GRAMD1C: variants seen among roughly 807,000 people sequenced by gnomAD.
GRAMD1C encodes the protein GRAM domain containing 1C.
GRAMD1C carries 89 observed loss-of-function variants against 97.8 expected under a neutral mutation model. The observed-to-expected ratio is 0.91, with a 90% CI of 0.77 to 1.09. GRAMD1C has a LOEUF of 1.09. Among genes scored for constraint, GRAMD1C ranks in the 50% least tolerant of loss-of-function variants. The pLI, the probability that GRAMD1C is intolerant of heterozygous loss-of-function variation, is 0.00. For missense variants in GRAMD1C, 740 were observed against 766.4 expected (o/e 0.97, Z 0.41); for synonymous variants, 256 against 267.0 (o/e 0.96, Z 0.40).
At chr3:113,874,169 A>G (rs1934937228) in intron 3 of GRAMD1C, among the ~76,000 whole-genome samples, 1 of 152,238 alleles carries the variant, frequency 6.6e-6, no homozygotes, top group African/African-American at 2.4e-5. Flanking sequence ...TAATTAGTTT[A>G]TAGAGTTTTA....
intron 10 of GRAMD1C, among the ~76,000 whole-genome samples, chr3:113,923,815 T>C (rs868816478): frequency 3.3e-5 from 5 of 152,140 alleles, no homozygotes; most frequent in Admixed American, 2.0e-4. Flanking sequence ...GGAGAAGTTC[T>C]TCCTCCTCAA....
Position 113,940,301 on chromosome 3 carries a change from C to T in GRAMD1C, c.1864C>T (p.Arg622Cys), listed in dbSNP as rs138939818. ...TCAGAAGAATAAAGATCAGGCCCAT[C>T]GTTTAAAGGGAGTGCTCCGAGACTC... ...TIQKNKDQAH[R>C]LKGVLRDSIV... The change falls in exon 17 of 18, where the codon CGT becomes TGT. Residue 622 changes from arginine to cysteine, a missense_variant. Physicochemically the swap from Arg to Cys is radical, Grantham distance 180. Transcript: ENST00000358160. The T allele has an allele frequency of 1.4e-5, 22 of 1,609,914 alleles. No homozygotes were observed. The South Asian group carries it at 2.0e-4, about 14-fold the overall frequency.
intron 1 of GRAMD1C, among the ~76,000 whole-genome samples, chr3:113,831,067 T>C (rs1453797772): frequency 1.7e-4 from 26 of 152,286 alleles, no homozygotes; most frequent in African/African-American, 5.8e-4. Context: ...CCAGCCTGGG[T>C]GACAGAGCAA....
At position 113,933,600 on chromosome 3, in the gene GRAMD1C, T is replaced by C. The variant is rs192574495; in HGVS notation, c.1299T>C (p.Tyr433=). 73 of 1,604,886 alleles carry C rather than the reference T, an allele frequency of 4.5e-5. No homozygotes were observed. The African/African-American group carries it at 9.2e-4, about 20-fold the overall frequency. ...THDVPYHDYF[Y]TVNRYCIIRS... is the part of the protein sequence containing the mutation. ...ATGTCCCCTACCATGATTACTTCTA[T>C]ACCGTGAACAGATACTGTATCATCC... The change falls in exon 12 of 18, where the codon TAT becomes TAC. Residue 433 remains tyrosine, a synonymous_variant. Transcript: ENST00000358160.
intron 6 of GRAMD1C, chr3:113,890,843 C>CG: frequency 4.7e-6 from 3 of 642,918 alleles, no homozygotes; most frequent in Non-Finnish European, 8.5e-6. Context: ...AAGGGAGAAA[C>CG]TAAGTTCTTC....
chr3:113,932,752 C>G (rs1937484338), intron 11 of GRAMD1C, among the ~76,000 whole-genome samples: 1 of 152,210 alleles, frequency 6.6e-6, no homozygotes, highest in Non-Finnish European at 1.5e-5. Context: ...GTCACTCAGG[C>G]TGGAGTGTAG....
chr3:113,908,852 T>C (rs996158418), intron 8 of GRAMD1C, 106 bp from the exon 9 acceptor site: 4 of 629,490 alleles, frequency 6.4e-6, no homozygotes, highest in Non-Finnish European at 1.1e-5. Flanking sequence ...GCTGTAAATA[T>C]TCTTCAAAGC....
intron 6 of GRAMD1C, among the ~76,000 whole-genome samples, chr3:113,895,938 T>C (rs950852454): frequency 6.6e-6 from 1 of 152,220 alleles, no homozygotes; most frequent in Non-Finnish European, 1.5e-5. Flanking sequence ...TGTCAAATAG[T>C]AGTGTTTTAA....
intron 5 of GRAMD1C, among the ~76,000 whole-genome samples, chr3:113,879,957 G>A (rs977039598): frequency 6.6e-6 from 1 of 152,046 alleles, no homozygotes; most frequent in African/African-American, 2.4e-5. Context: ...GCCGCCCAAA[G>A]TGTCGGGATT....
At chr3:113,917,266 A>T (rs1442834391) in intron 10 of GRAMD1C, among the ~76,000 whole-genome samples, 7 of 152,240 alleles carry the variant, frequency 4.6e-5, no homozygotes, top group Admixed American at 1.3e-4. Flanking sequence ...AGCAGCAGAG[A>T]TTCATATAAA....
At chr3:113,890,843 C>A (rs1431560731) in intron 6 of GRAMD1C, 7 of 642,798 alleles carry the variant, frequency 1.1e-5, no homozygotes, top group African/African-American at 1.8e-5. Flanking sequence ...AAGGGAGAAA[C>A]TAAGTTCTTC....
chr3:113,854,076 G>T (rs767695510), intron 2 of GRAMD1C, among the ~76,000 whole-genome samples: 4 of 152,128 alleles, frequency 2.6e-5, no homozygotes, highest in Non-Finnish European at 5.9e-5. Context: ...TGGGTACATG[G>T]AAGTGCCATT....
At chr3:113,885,980 T>C (rs112079222) in intron 6 of GRAMD1C, 1 of 1,599,198 alleles carries the variant, frequency 6.3e-7, no homozygotes. Context: ...GGTTCACCGC[T>C]GACGTTCATT....
intron 13 of GRAMD1C, among the ~76,000 whole-genome samples, chr3:113,935,290 C>T (rs1379572060): frequency 2.0e-5 from 3 of 152,218 alleles, no homozygotes; most frequent in Middle Eastern, 6.8e-3. Context: ...CATAGATATA[C>T]ACCTGTGCTG....
chr3:113,920,818 C>T (rs1245538966), intron 10 of GRAMD1C, among the ~76,000 whole-genome samples: 1 of 152,164 alleles, frequency 6.6e-6, no homozygotes, highest in African/African-American at 2.4e-5. Flanking sequence ...GCTGGGATTA[C>T]AGCATGAGCC....
intron 3 of GRAMD1C, among the ~76,000 whole-genome samples, chr3:113,872,837 C>T (rs1428886016): frequency 2.0e-5 from 3 of 148,300 alleles, no homozygotes; most frequent in Non-Finnish European, 3.0e-5. Flanking sequence ...TTTGAGAGGC[C>T]GAGGCGGGCA....
At chr3:113,834,995 T>C (rs1417717403), upstream of GRAMD1C, among the ~76,000 whole-genome samples, 4 of 151,654 alleles carry the variant, frequency 2.6e-5, no homozygotes, top group East Asian at 1.9e-4. Context: ...TTCTGACATA[T>C]ACTTTAACAA....
At chr3:113,893,352 C>T (rs1488283025) in intron 6 of GRAMD1C, among the ~76,000 whole-genome samples, 1 of 151,896 alleles carries the variant, frequency 6.6e-6, no homozygotes, top group African/African-American at 2.4e-5. Flanking sequence ...TTAATATACC[C>T]TCTCATTCTT....
chr3:113,927,547 A>C (rs1937269452), intron 10 of GRAMD1C, among the ~76,000 whole-genome samples: 1 of 152,154 alleles, frequency 6.6e-6, no homozygotes, highest in Non-Finnish European at 1.5e-5. Flanking sequence ...CTGCTCAGCT[A>C]GGAGCTGTGG....
Sources: gnomAD v4.1 joint callset for allele counts (sites outside exome capture counted in the v4.1 genomes callset) on GRCh38, gnomAD v4.1.1 for gene constraint, MANE v1.5 for transcripts, NCBI Gene and HGNC (gene_info 2026-07-23, HGNC 2026-07-21) for gene names.